The following INTS11 variants were observed in gnomAD, a reference collection of about 807,000 sequenced individuals.
INTS11 encodes the protein integrator complex subunit 11.
A neutral mutation model predicts 78.6 loss-of-function variants in INTS11; 77 were observed. The observed-to-expected ratio is 0.98, with a 90% CI of 0.81 to 1.18. The LOEUF (loss-of-function observed/expected upper bound fraction) is 1.18, where lower values mean the gene tolerates loss of function less well. Among genes scored for constraint, INTS11 ranks in the 50% most tolerant of loss-of-function variants. INTS11 has a pLI of 0.00. For synonymous variants in INTS11, 441 were observed against 326.9 expected (o/e 1.35, Z -3.77); for missense variants, 875 against 825.9 (o/e 1.06, Z -0.73).
intron 3 of INTS11, 184 bp downstream of exon 3, chr1:1,320,268 GAACA>G: frequency 1.6e-6 from 1 of 617,076 alleles, no homozygotes; most frequent in Non-Finnish European, 2.9e-6. Flanking sequence ...AGGGCCGGAA[GAACA>G]GACAGAGACC....
intron 1 of INTS11, chr1:1,321,940 C>A: frequency 2.3e-6 from 3 of 1,317,742 alleles, no homozygotes; most frequent in Non-Finnish European, 2.0e-6. Flanking sequence ...GTGTCCAAAG[C>A]CAGCACCACA....
At chr1:1,322,954 A>G (rs1643049860) in intron 1 of INTS11, 1 of 1,351,896 alleles carries the variant, frequency 7.4e-7, no homozygotes, top group Non-Finnish European at 9.5e-7. Flanking sequence ...AAGCCACATG[A>G]AAGATCAGAA....
intron 13 of INTS11, 39 bp downstream of exon 13, chr1:1,312,554 G>T (rs1246366612): frequency 3.2e-6 from 5 of 1,578,990 alleles, no homozygotes; most frequent in Non-Finnish European, 3.4e-6. Context: ...CCAGCCGCCT[G>T]CCCCGAGCAC....
chr1:1,323,146 C>G (rs1239011242), intron 1 of INTS11: 1 of 1,548,900 alleles, frequency 6.5e-7, no homozygotes, highest in South Asian at 1.2e-5. Context: ...AGTGTCCACA[C>G]CGGGGCGGGG....
intron 3 of INTS11, chr1:1,319,820 GCAGT>G (rs1474462389): frequency 4.9e-6 from 2 of 404,440 alleles, no homozygotes; most frequent in Non-Finnish European, 9.0e-6. Context: ...GGCTTTTCAG[GCAGT>G]CAGGACAGGC....
Position 1,323,347 on chromosome 1 carries a change from GT to G in INTS11, c.28+1233del, listed in dbSNP as rs1300173558. The G allele has an allele frequency of 2.0e-6, 3 of 1,504,968 alleles. No homozygotes were observed. The African/African-American group carries it at 4.2e-5, about 21-fold the overall frequency. The allele number at this position is 1,504,968 out of a possible 1,614,324, so 93.2% of individuals were successfully genotyped here. A position where few individuals can be genotyped will look rare whatever the true frequency, so the allele number is the denominator to read the frequency against. The stretch of plus-strand genomic sequence containing the variant: ...CCACCAACACCATGTCCCTCCAGCT[GT>G]TTCTGAGACCCTGGATTTTGACTAA... On this transcript the variant is annotated intron_variant, in intron 1 of 16. Coordinates refer to ENST00000435064, the MANE Select transcript of INTS11 (RefSeq NM_017871.6).
chr1:1,321,127 GC>G (rs200518677), intron 1 of INTS11, 34 bp from the exon 2 acceptor site: 14 of 1,520,840 alleles, frequency 9.2e-6, no homozygotes, highest in Non-Finnish European at 1.3e-5. Flanking sequence ...TCACTGCTGC[GC>G]CCCCCGCCCC....
At position 1,320,787 on chromosome 1, in the gene INTS11, G is replaced by A. The variant is rs369343215; in HGVS notation, c.126+209C>T. On this transcript the variant is annotated intron_variant, in intron 2 of 16. Coordinates refer to ENST00000435064, the MANE Select transcript of INTS11 (RefSeq NM_017871.6). ...CACGGAGTCCAGCCTACAGGACCCC[G>A]GGGCTGGGGCTCAGCGCCAGCACAG... 70 of 712,618 alleles carry A rather than the reference G, an allele frequency of 9.8e-5. 1 individual carries two copies. The highest frequency in any genetic ancestry group is 7.3e-4 in the East Asian group (27 of 37,000). 44.1% of individuals were successfully genotyped at this position (712,618 alleles called of 1,614,324 possible).
Position 1,314,719 on chromosome 1 carries a change from A to G in INTS11, c.702+105T>C, listed in dbSNP as rs760238965. On this transcript the variant is annotated intron_variant, in intron 7 of 16. Transcript: ENST00000435064. The surrounding 1 kb of genome is among the most constrained non-coding windows in gnomAD (Gnocchi z 4.2). ...TTCCCTCCCTGCCTGAAAATGCAGT[A>G]CCCCCCACCCTGAGACCCTGACCCA... The G allele has an allele frequency of 2.2e-5, 29 of 1,321,386 alleles. No individual in the cohort carries two copies. The highest frequency in any genetic ancestry group is 3.0e-5 in the Non-Finnish European group (29 of 952,628). 81.9% of individuals were successfully genotyped at this position (1,321,386 alleles called of 1,614,324 possible).
rs556125116 is a variant in INTS11, at chr1:1,313,752, C to CA, written c.936dup (p.Ala313CysfsTer2). ...CTCACCATCGGTCCTGGGTTGTCAG[C>CA]AAAAGCCCGGTCGAAGGCCTTGATG... On this transcript the variant is annotated frameshift_variant, in exon 9 of 17. Transcript: ENST00000435064. LOFTEE classifies it high-confidence loss of function. The CA allele has an allele frequency of 1.2e-4, 196 of 1,613,088 alleles. No homozygotes were observed. Among genetic ancestry groups the CA allele is most frequent in the Non-Finnish European group, 1.6e-4 (191 of 1,179,926 alleles).
chr1:1,318,748 C>T (rs71628950), intron 4 of INTS11: 1 of 530,944 alleles, frequency 1.9e-6, no homozygotes, highest in Non-Finnish European at 3.4e-6. Flanking sequence ...ACATAGGTAC[C>T]TAATATAGTT....
intron 4 of INTS11, chr1:1,317,060 CTA>C (rs1307091249): frequency 6.6e-6 from 1 of 152,036 alleles, no homozygotes; most frequent in Non-Finnish European, 1.5e-5. Flanking sequence ...ATAGCTGGGA[CTA>C]TAGGCACGCA....
chr1:1,316,055 G>A lies in INTS11; in HGVS notation c.430-437C>T, dbSNP rs895278569. On this transcript the variant is annotated intron_variant, in intron 4 of 16. Coordinates refer to ENST00000435064, the MANE Select transcript of INTS11 (RefSeq NM_017871.6). ...CAGAATGTTGGCGGCCAGGCCTAAG[G>A]TGGATCCCTTGGGGTCAGGAATTGG... is the stretch of plus-strand genomic sequence containing the variant. The A allele has an allele frequency of 2.3e-5, 5 of 217,252 alleles. No individual in the cohort carries two copies. In the Admixed American group the frequency reaches 2.7e-4, roughly 12 times the overall value. The allele number at this position is 217,252 out of a possible 1,614,324, so 13.5% of individuals were successfully genotyped here. A position where few individuals can be genotyped will look rare whatever the true frequency, so the allele number is the denominator to read the frequency against.
chr1:1,318,654 A>G (rs548999093), intron 4 of INTS11: 1 of 451,740 alleles, frequency 2.2e-6, no homozygotes, highest in Admixed American at 4.1e-5. Flanking sequence ...TGTCAAAAAA[A>G]AAAAAAAATT....
chr1:1,322,419 C>T (rs1643000006), intron 1 of INTS11, among the ~76,000 whole-genome samples: 2 of 148,806 alleles, frequency 1.3e-5, no homozygotes, highest in South Asian at 4.4e-4. Flanking sequence ...AACAAGACAC[C>T]CAAAGCACGC....
chr1:1,314,200 G>A lies in INTS11; in HGVS notation c.767+101C>T. The stretch of plus-strand genomic sequence containing the variant: ...GGCCCCCCAGGACAGCAGCAAGCAG[G>A]GCCAAGATGCCACCGCTACGCTGGA... On this transcript the variant is annotated intron_variant, in intron 8 of 16. Coordinates refer to ENST00000435064, the MANE Select transcript of INTS11 (RefSeq NM_017871.6). The surrounding 1 kb of genome is among the most constrained non-coding windows in gnomAD (Gnocchi z 4.2). 1.7e-6 allele frequency: 2 copies of A among 1,160,356 alleles called. No homozygotes were observed. Among genetic ancestry groups the A allele is most frequent in the East Asian group, 2.6e-5 (1 of 39,000 alleles). The allele number at this position is 1,160,356 out of a possible 1,614,324, so 71.9% of individuals were successfully genotyped here.
intron 4 of INTS11, among the ~76,000 whole-genome samples, chr1:1,315,985 T>A (rs910354343): frequency 1.3e-5 from 2 of 151,442 alleles, no homozygotes; most frequent in East Asian, 1.9e-4. Context: ...GAAATTGGAG[T>A]TTCCAGCGTG....
intron 10 of INTS11, 156 bp from the exon 11 acceptor site, chr1:1,313,280 G>T: frequency 1.0e-6 from 1 of 960,290 alleles, no homozygotes; most frequent in Non-Finnish European, 1.6e-6. Context: ...CTCAGGTTTT[G>T]GCACAAGACT....
Position 1,312,213 on chromosome 1 carries a change from G to GGGGGGGGGGGGCCCCCCCCCCCCCC in INTS11, c.1607+12_1607+13insGGGGGGGGGGGGGGCCCCCCCCCCC. On this transcript the variant is annotated intron_variant, in intron 15 of 16. Transcript: ENST00000435064. ...CCCAAGGGAGTGGGGGGGGGGCGGG[G>GGGGGGGGGGGGCCCCCCCCCCCCCC]CCGGGCGCCCACCTCTTGAGGTGGC... is the stretch of plus-strand genomic sequence containing the variant. 2 of 934,594 alleles carry GGGGGGGGGGGGCCCCCCCCCCCCCC rather than the reference G, an allele frequency of 2.1e-6. No individual in the cohort carries two copies. The highest frequency in any genetic ancestry group is 3.1e-6 in the Non-Finnish European group (2 of 636,652). 57.9% of individuals were successfully genotyped at this position (934,594 alleles called of 1,614,324 possible). A position where few individuals can be genotyped will look rare whatever the true frequency, so the allele number is the denominator to read the frequency against.
Sources: allele counts gnomAD v4.1 joint callset (sites outside exome capture counted in the v4.1 genomes callset), GRCh38; gene constraint gnomAD v4.1.1; non-coding constraint Gnocchi (gnomAD v3.1); transcripts MANE v1.5; gene names NCBI Gene and HGNC (gene_info 2026-07-23, HGNC 2026-07-21).